Variants in LYRM4 observed in about 807,000 individuals in gnomAD.
The protein encoded by LYRM4 is LYR motif containing 4.
A neutral mutation model predicts 11.7 loss-of-function variants in LYRM4; 9 were observed. That is an observed-to-expected ratio of 0.77 (90% confidence interval 0.46 to 1.34). The LOEUF (loss-of-function observed/expected upper bound fraction) is 1.34, where lower values mean the gene tolerates loss of function less well. Ranked by LOEUF, LYRM4 falls within the 40% of genes most tolerant of loss-of-function variation. The pLI is 0.00. For synonymous variants in LYRM4, 42 were observed against 40.4 expected, an observed-to-expected ratio of 1.04 and a Z score of -0.15; for missense variants, 133 against 112.5, an observed-to-expected ratio of 1.18 and a Z score of -0.82.
the LYRM4 span, among the ~76,000 whole-genome samples, chr6:5,052,649 T>G: frequency 6.6e-6 from 1 of 152,182 alleles, no homozygotes; most frequent in East Asian, 1.9e-4. Context: ...ATTCTAGAGA[T>G]GGATGGTGGT....
intron 2 of LYRM4, among the ~76,000 whole-genome samples, chr6:5,112,854 T>C (rs73361322): frequency 0.12 from 17,778 of 151,930 alleles, 1,187 homozygotes; most frequent in African/African-American, 0.18. Flanking sequence ...CATGACACGA[T>C]TGGACGTGGA....
At chr6:5,194,883 C>T (rs1760964062) in intron 2 of LYRM4, among the ~76,000 whole-genome samples, 3 of 152,154 alleles carry the variant, frequency 2.0e-5, no homozygotes, top group Non-Finnish European at 2.9e-5. Flanking sequence ...GCCACTGCAC[C>T]CAGCTATGGA....
chr6:5,215,836 G>A (rs1683442574), intron 2 of LYRM4, among the ~76,000 whole-genome samples: 1 of 152,180 alleles, frequency 6.6e-6, no homozygotes, highest in African/African-American at 2.4e-5. Context: ...AGGGAAACAC[G>A]AATGGAAGCA....
chr6:5,060,808 G>A, the LYRM4 span, among the ~76,000 whole-genome samples: 66 of 152,252 alleles, frequency 4.3e-4, 2 homozygotes, highest in South Asian at 8.3e-4. Flanking sequence ...GATTACAGGC[G>A]TGAGCCACCG....
the LYRM4 span, among the ~76,000 whole-genome samples, chr6:5,040,679 A>C: frequency 6.6e-6 from 1 of 152,214 alleles, no homozygotes; most frequent in Non-Finnish European, 1.5e-5. Flanking sequence ...GAAAAGATAA[A>C]TGTTTAAGGT....
At chr6:5,113,904 T>G (rs1460918378) in intron 2 of LYRM4, among the ~76,000 whole-genome samples, 1 of 152,236 alleles carries the variant, frequency 6.6e-6, no homozygotes, top group Non-Finnish European at 1.5e-5. Context: ...TACACATCAC[T>G]ATAACTATGA....
intron 2 of LYRM4, among the ~76,000 whole-genome samples, chr6:5,185,400 C>G (rs977205724): frequency 1.3e-5 from 2 of 152,180 alleles, no homozygotes; most frequent in Non-Finnish European, 2.9e-5. Context: ...AGAGCATAAG[C>G]TTCTGTAGAC....
chr6:5,194,375 C>T (rs937987217), intron 2 of LYRM4, among the ~76,000 whole-genome samples: 4 of 152,108 alleles, frequency 2.6e-5, no homozygotes, highest in South Asian at 4.1e-4. Flanking sequence ...CCCTGTGACC[C>T]GTGTGAACAG....
intron 2 of LYRM4, among the ~76,000 whole-genome samples, chr6:5,119,023 G>C (rs572557662): frequency 1.4e-3 from 207 of 152,368 alleles, no homozygotes; most frequent in African/African-American, 4.8e-3. Context: ...ATGAAGTGTG[G>C]TAGCTGAGAA....
At chr6:5,196,917 G>A (rs1761086480) in intron 2 of LYRM4, among the ~76,000 whole-genome samples, 1 of 152,200 alleles carries the variant, frequency 6.6e-6, no homozygotes, top group Admixed American at 6.5e-5. Flanking sequence ...AAGTTCCACT[G>A]TGACAACTCG....
chr6:5,127,473 T>A (rs539890028), intron 2 of LYRM4, among the ~76,000 whole-genome samples: 9 of 152,324 alleles, frequency 5.9e-5, no homozygotes, highest in Admixed American at 5.9e-4. Flanking sequence ...CACTAAATAT[T>A]TCGCAATTAC....
chr6:5,220,322 A>G (rs1229938809), intron 1 of LYRM4, among the ~76,000 whole-genome samples: 2 of 152,094 alleles, frequency 1.3e-5, no homozygotes, highest in Non-Finnish European at 2.9e-5. Flanking sequence ...TTTAGCATCC[A>G]ATGTGTGATG....
chr6:5,070,427 G>A, the LYRM4 span, among the ~76,000 whole-genome samples: 1 of 152,218 alleles, frequency 6.6e-6, no homozygotes, highest in East Asian at 1.9e-4. Flanking sequence ...GATAGTGAAA[G>A]TATAAATGTT....
At chr6:5,137,984 CAG>C (rs1757186458) in intron 2 of LYRM4, among the ~76,000 whole-genome samples, 1 of 152,154 alleles carries the variant, frequency 6.6e-6, no homozygotes, top group African/African-American at 2.4e-5. Flanking sequence ...TGAGGTGGTG[CAG>C]AGTTCACTTT....
chr6:5,053,840 A>G, the LYRM4 span, among the ~76,000 whole-genome samples: 4 of 152,190 alleles, frequency 2.6e-5, no homozygotes, highest in Non-Finnish European at 5.9e-5. Context: ...CCTATCAAGC[A>G]TATATACATT....
intron 2 of LYRM4, among the ~76,000 whole-genome samples, chr6:5,132,440 CA>C (rs1272297766): frequency 2.0e-5 from 3 of 151,734 alleles, no homozygotes; most frequent in Admixed American, 1.3e-4. Context: ...ACAGAAACTA[CA>C]ACACACCTCC....
downstream of LYRM4, among the ~76,000 whole-genome samples, chr6:5,101,968 CTTT>C (rs397826404): frequency 1.0e-4 from 7 of 67,984 alleles, no homozygotes; most frequent in Middle Eastern, 7.9e-3. Flanking sequence ...CTAATGCTTT[CTTT>C]TTTTTTTTTT....
intron 2 of LYRM4, among the ~76,000 whole-genome samples, chr6:5,204,117 T>C (rs1302258526): frequency 6.6e-6 from 1 of 152,176 alleles, no homozygotes; most frequent in Non-Finnish European, 1.5e-5. Flanking sequence ...CTCATAAAGC[T>C]TGGGAGTGAT....
intron 1 of LYRM4, among the ~76,000 whole-genome samples, chr6:5,239,778 G>C (rs751736992): frequency 6.6e-5 from 10 of 152,058 alleles, no homozygotes; most frequent in Non-Finnish European, 1.3e-4. Flanking sequence ...CTTCCTAATC[G>C]GCACAGGCCA....
Sources: allele counts gnomAD v4.1 joint callset (sites outside exome capture counted in the v4.1 genomes callset), GRCh38; gene constraint gnomAD v4.1.1; transcripts MANE v1.5; gene names NCBI Gene and HGNC (gene_info 2026-07-23, HGNC 2026-07-21).